Variants in RARB observed in about 807,000 individuals in gnomAD.
The protein encoded by RARB is HBV-activated protein.
RARB carries 17 observed loss-of-function variants against 51.9 expected under a neutral mutation model. The ratio of observed to expected loss-of-function variants is 0.33; its 90% CI spans 0.22 to 0.49. The LOEUF is 0.49. RARB is among the 20% of genes least tolerant of loss of function. The pLI, the probability that RARB is intolerant of heterozygous loss-of-function variation, is 0.99. For synonymous variants in RARB, 215 were observed against 195.4 expected (o/e 1.10, Z -0.84); for missense variants, 369 against 550.8 (o/e 0.67, Z 3.30).
At position 24,873,754 on chromosome 3, in the gene RARB, T is replaced by G. The variant is rs112608993; in HGVS notation, c.-380+15002T>G. On this transcript the variant is annotated intron_variant, in intron 2 of 11. Coordinates refer to the RARB transcript ENST00000383772. Reference sequence around the variant, plus strand: ...TTCATCCCACATATTTGGACACATGTGGCATTATTATTTGATTATCTTTGA... The same window carrying G: ...TTCATCCCACATATTTGGACACATGGGGCATTATTATTTGATTATCTTTGA... Among the ~76,000 whole-genome samples the G allele has an allele frequency of 7.6e-3, 1,161 of 152,168 alleles. 14 individuals carry two copies. The highest frequency in any genetic ancestry group is 0.027 in the African/African-American group (1,107 of 41,548).
intron 2 of RARB, among the ~76,000 whole-genome samples, chr3:24,903,300 A>T (rs1303445381): frequency 6.6e-6 from 1 of 152,106 alleles, no homozygotes; most frequent in Non-Finnish European, 1.5e-5. Context: ...ACAAACTTCT[A>T]TGTGAAGTAG....
chr3:25,533,584 GC>G (rs1699014480), intron 3 of RARB, among the ~76,000 whole-genome samples: 1 of 152,188 alleles, frequency 6.6e-6, no homozygotes. Context: ...TTATGTGCCA[GC>G]CAGTAGAGTA....
chr3:25,571,490 C>G (rs1294660), intron 4 of RARB, among the ~76,000 whole-genome samples: 1 of 152,150 alleles, frequency 6.6e-6, no homozygotes, highest in Admixed American at 6.5e-5. Flanking sequence ...TCTGCCAGGC[C>G]GAGGGAGAGT....
intron 2 of RARB, among the ~76,000 whole-genome samples, chr3:24,913,911 T>C (rs1695053154): frequency 6.6e-6 from 1 of 152,234 alleles, no homozygotes; most frequent in Non-Finnish European, 1.5e-5. Context: ...AGAAACAGAC[T>C]AATTTTTCTT....
chr3:25,544,077 G>A (rs1192275039), intron 3 of RARB, among the ~76,000 whole-genome samples: 1 of 152,040 alleles, frequency 6.6e-6, no homozygotes, highest in Non-Finnish European at 1.5e-5. Flanking sequence ...TCATAGAAGG[G>A]AACACTATAC....
intron 3 of RARB, among the ~76,000 whole-genome samples, chr3:25,557,125 A>G (rs1178858817): frequency 6.9e-6 from 1 of 145,488 alleles, no homozygotes; most frequent in Non-Finnish European, 1.5e-5. Context: ...TTGCTTCCAC[A>G]TGGCATTGCA....
intron 2 of RARB, among the ~76,000 whole-genome samples, chr3:24,928,802 T>G (rs1303871453): frequency 6.6e-6 from 1 of 152,096 alleles, no homozygotes. Context: ...AGAGGTTCTC[T>G]CTTGTTTCAT....
intron 3 of RARB, among the ~76,000 whole-genome samples, chr3:25,536,454 G>A (rs1699145334): frequency 6.6e-6 from 1 of 152,154 alleles, no homozygotes. Context: ...AACCTCATAA[G>A]CTAGCTTACA....
chr3:24,995,282 T>G (rs1696998090), intron 2 of RARB, among the ~76,000 whole-genome samples: 1 of 152,052 alleles, frequency 6.6e-6, no homozygotes, highest in Non-Finnish European at 1.5e-5. Context: ...TGTCTTTTTT[T>G]CAGCTAGTTT....
intron 3 of RARB, among the ~76,000 whole-genome samples, chr3:25,529,680 T>C (rs986139423): frequency 6.6e-6 from 1 of 152,170 alleles, no homozygotes; most frequent in Non-Finnish European, 1.5e-5. Flanking sequence ...TTCCATATCT[T>C]GATCATAGTG....
intron 2 of RARB, among the ~76,000 whole-genome samples, chr3:24,981,614 G>T (rs923468820): frequency 2.0e-5 from 3 of 152,126 alleles, no homozygotes; most frequent in Admixed American, 6.5e-5. Flanking sequence ...GAATCTCGTG[G>T]TCTGCTGGTT....
At chr3:25,362,117 T>C (rs967581800) in intron 5 of RARB, among the ~76,000 whole-genome samples, 2 of 152,098 alleles carry the variant, frequency 1.3e-5, no homozygotes, top group African/African-American at 4.8e-5. Flanking sequence ...CCCAGGGAGA[T>C]AGAGAGATGG....
At chr3:25,084,655 G>A (rs1413496206) in intron 3 of RARB, among the ~76,000 whole-genome samples, 4 of 151,758 alleles carry the variant, frequency 2.6e-5, no homozygotes, top group African/African-American at 9.7e-5. Flanking sequence ...TTTCTTTTGG[G>A]ATTTAGCAGA....
intron 5 of RARB, among the ~76,000 whole-genome samples, chr3:25,346,883 CT>C (rs1705411660): frequency 6.6e-6 from 1 of 152,174 alleles, no homozygotes. Context: ...AAAGGAGGCT[CT>C]GGTGAGCAAA....
chr3:25,532,553 T>G (rs1483806951), intron 3 of RARB, among the ~76,000 whole-genome samples: 1 of 152,178 alleles, frequency 6.6e-6, no homozygotes, highest in Non-Finnish European at 1.5e-5. Context: ...TAGTGATAAT[T>G]TATTTTATCT....
chr3:25,294,139 C>A (rs888952994), intron 5 of RARB, among the ~76,000 whole-genome samples: 1 of 152,060 alleles, frequency 6.6e-6, no homozygotes, highest in African/African-American at 2.4e-5. Flanking sequence ...TCAGAACTTG[C>A]CAAAAGGATC....
intron 1 of RARB, among the ~76,000 whole-genome samples, chr3:25,440,386 G>T (rs974568177): frequency 1.3e-5 from 2 of 151,790 alleles, no homozygotes; most frequent in African/African-American, 2.4e-5. Context: ...TGTTGAGGCT[G>T]CAGTGAGCCG....
At chr3:25,150,814 C>A (rs539311317) in intron 4 of RARB, among the ~76,000 whole-genome samples, 1 of 152,228 alleles carries the variant, frequency 6.6e-6, no homozygotes, top group South Asian at 2.1e-4. Flanking sequence ...TTTAGAAACC[C>A]AAGAGACAGG....
intron 5 of RARB, among the ~76,000 whole-genome samples, chr3:25,184,875 A>G (rs1224728126): frequency 6.6e-6 from 1 of 152,048 alleles, no homozygotes; most frequent in African/African-American, 2.4e-5. Flanking sequence ...CTGGGCAGCA[A>G]AGCAAAACCC....
Sources: allele counts gnomAD v4.1 joint callset (sites outside exome capture counted in the v4.1 genomes callset), GRCh38; gene constraint gnomAD v4.1.1; transcripts MANE v1.5; gene names NCBI Gene and HGNC (gene_info 2026-07-23, HGNC 2026-07-21).